TBX21: variants seen among roughly 807,000 people sequenced by gnomAD.
TBX21 encodes T-box transcription factor TBX21.
TBX21 carries 11 observed loss-of-function variants against 52.2 expected under a neutral mutation model. The observed-to-expected ratio is 0.21, with a 90% CI of 0.13 to 0.35. The LOEUF (loss-of-function observed/expected upper bound fraction) is 0.35, where lower values mean the gene tolerates loss of function less well. Ranked by LOEUF, TBX21 falls within the 10% of genes least tolerant of loss-of-function variation. TBX21 has a pLI of 1.00. For missense variants in TBX21, 625 were observed against 755.1 expected (o/e 0.83, Z 2.02); for synonymous variants, 300 against 316.1 (o/e 0.95, Z 0.54).
intron 1 of TBX21, among the ~76,000 whole-genome samples, chr17:47,739,001 G>T (rs969158152): frequency 1.7e-4 from 26 of 152,180 alleles, no homozygotes; most frequent in African/African-American, 5.3e-4. Flanking sequence ...CAGAGCCTGT[G>T]CCAGGAGCTC....
At chr17:47,736,961 C>A (rs1023944989) in intron 1 of TBX21, among the ~76,000 whole-genome samples, 1 of 152,150 alleles carries the variant, frequency 6.6e-6, no homozygotes, top group Non-Finnish European at 1.5e-5. Flanking sequence ...TCCCACCCAC[C>A]CTGGATCTAT....
rs1178495694 is a variant in TBX21 at position 47,733,430 on chromosome 17, A to C, written c.-25A>C. On this transcript the variant is annotated 5_prime_UTR_variant, in exon 1 of 6. Transcript: ENST00000177694. The surrounding 1 kb of genome is among the most constrained non-coding windows in gnomAD (Gnocchi z 6.6). ...GCGGAGGGGCGGGTCCTCGACGGCT[A>C]CGGGAAGGTGCCAGCCCGCCCCGGA... is the stretch of plus-strand genomic sequence containing the variant. 6.1e-6 allele frequency: 9 copies of C among 1,468,510 alleles called. No individual in the cohort carries two copies. Among genetic ancestry groups the C allele is most frequent in the African/African-American group, 1.5e-5 (1 of 67,654 alleles). 91.0% of individuals were successfully genotyped at this position (1,468,510 alleles called of 1,614,324 possible). A position where few individuals can be genotyped will look rare whatever the true frequency, so the allele number is the denominator to read the frequency against.
chr17:47,741,772 G>A (rs2032268823), intron 1 of TBX21, among the ~76,000 whole-genome samples: 1 of 151,132 alleles, frequency 6.6e-6, no homozygotes, highest in African/African-American at 2.4e-5. Context: ...CTCCTAGGAA[G>A]CAGCTAAGGT....
intron 1 of TBX21, among the ~76,000 whole-genome samples, chr17:47,738,442 A>G (rs1444893799): frequency 6.6e-6 from 1 of 152,134 alleles, no homozygotes; most frequent in Non-Finnish European, 1.5e-5. Context: ...TGAGGTTGGT[A>G]AGACGAGGAG....
chr17:47,733,733 C>T lies in TBX21; in HGVS notation c.279C>T (p.Phe93=), dbSNP rs554452504. Reference sequence around the variant, plus strand: ...GCTTCCCCGGCGCGGGCGAGTCCTTCCCGCCGCCCGCGGACGCCGAGGGCT... The same window carrying T: ...GCTTCCCCGGCGCGGGCGAGTCCTTTCCGCCGCCCGCGGACGCCGAGGGCT... ...AAGFPGAGES[F]PPPADAEGYQ... Residue 93 remains phenylalanine, a synonymous_variant, in exon 1 of 6, where the codon TTC becomes TTT. Transcript: ENST00000177694. This position sits in a 1 kb window ranked among gnomAD's most constrained non-coding sequence, Gnocchi z 6.6. The T allele has an allele frequency of 6.3e-6, 9 of 1,439,784 alleles. No homozygotes were observed. The highest frequency in any genetic ancestry group is 6.0e-5 in the African/African-American group (4 of 66,480). 89.2% of individuals were successfully genotyped at this position (1,439,784 alleles called of 1,614,324 possible).
rs1597983051 is a variant in TBX21, at chr17:47,737,626, A to G, written c.491+3681A>G. ...AGATAACTTTAGTCGATAACTTTCT[A>G]CATCTTTTTTTTTTTTTGAGATGGA... On this transcript the variant is annotated intron_variant, in intron 1 of 5. Coordinates refer to ENST00000177694, the MANE Select transcript of TBX21 (RefSeq NM_013351.2). Among the ~76,000 whole-genome samples the G allele has an allele frequency of 2.7e-5, 4 of 150,076 alleles. No individual in the cohort carries two copies. In the South Asian group the frequency reaches 8.4e-4, roughly 32 times the overall value.
At chr17:47,736,519 G>A (rs2032208293) in intron 1 of TBX21, among the ~76,000 whole-genome samples, 1 of 152,078 alleles carries the variant, frequency 6.6e-6, no homozygotes, top group Non-Finnish European at 1.5e-5. Flanking sequence ...TCCATTCTGA[G>A]GGGCTCCATA....
chr17:47,739,195 A>T (rs2032240927), intron 1 of TBX21, among the ~76,000 whole-genome samples: 1 of 152,164 alleles, frequency 6.6e-6, no homozygotes, highest in South Asian at 2.1e-4. Context: ...GCAAAGTGTC[A>T]TGTAAATCAG....
intron 5 of TBX21, 39 bp downstream of exon 5, chr17:47,744,582 T>G: frequency 6.2e-7 from 1 of 1,613,004 alleles, no homozygotes; most frequent in Non-Finnish European, 8.5e-7. Flanking sequence ...TGGTCCCTCC[T>G]GAGACACATC....
intron 1 of TBX21, among the ~76,000 whole-genome samples, chr17:47,734,309 C>T (rs868471746): frequency 3.9e-5 from 6 of 152,094 alleles, no homozygotes; most frequent in Non-Finnish European, 7.4e-5. Flanking sequence ...GTGCTCTGGG[C>T]GGACAGGACG....
intron 1 of TBX21, among the ~76,000 whole-genome samples, chr17:47,739,299 T>C (rs1170569916): frequency 6.6e-6 from 1 of 152,192 alleles, no homozygotes; most frequent in Non-Finnish European, 1.5e-5. Flanking sequence ...AGCCTCTTCC[T>C]GTGTCTCCAT....
At chr17:47,738,896 G>A (rs192624170) in intron 1 of TBX21, among the ~76,000 whole-genome samples, 13 of 152,066 alleles carry the variant, frequency 8.5e-5, no homozygotes, top group East Asian at 5.8e-4. Context: ...CCACCACGCC[G>A]GGCCAATATT....
At chr17:47,739,495 A>G (rs1196260533) in intron 1 of TBX21, among the ~76,000 whole-genome samples, 1 of 151,754 alleles carries the variant, frequency 6.6e-6, no homozygotes, top group African/African-American at 2.4e-5. Context: ...GCGGTGGCTC[A>G]CCCCTGTAAT....
In TBX21 at chr17:47,745,672, T is replaced by C. The variant is rs1043207127; in HGVS notation, c.*306T>C. ...AAAGAAGACAAGAAAGTCTTGGGCA[T>C]GAAGGAGCTTTTTGCATCTAGTGGG... On this transcript the variant is annotated 3_prime_UTR_variant, in exon 6 of 6. Transcript: ENST00000177694. The C allele has an allele frequency of 3.0e-5, 9 of 300,646 alleles. No homozygotes were observed. Among genetic ancestry groups the C allele is most frequent in the East Asian group, 6.4e-5 (1 of 15,626 alleles). The allele number at this position is 300,646 out of a possible 1,614,324, so 18.6% of individuals were successfully genotyped here.
chr17:47,744,684 A>C, intron 5 of TBX21, 64 bp from the exon 6 acceptor site: 6 of 1,596,632 alleles, frequency 3.8e-6, no homozygotes, highest in Non-Finnish European at 5.1e-6. Flanking sequence ...TGTGTGAAAC[A>C]GGTAGGCTCA....
Position 47,733,549 on chromosome 17 carries a change from A to G in TBX21, c.95A>G (p.Gln32Arg). The change falls in exon 1 of 6, where the codon CAG (glutamine) becomes CGG (arginine). Residue 32 changes from glutamine to arginine, a missense_variant. By Grantham distance (43) the Gln-to-Arg change is conservative. Around this residue, in one of 4 missense-constraint regions of TBX21, gnomAD observed 221 missense variants for 204.9 expected, o/e 1.08. Coordinates refer to ENST00000177694, the MANE Select transcript of TBX21 (RefSeq NM_013351.2). This position sits in a 1 kb window ranked among gnomAD's most constrained non-coding sequence, Gnocchi z 6.6. The part of the protein sequence containing the change: ...DEGRAPGADP[Q>R]HRYFYPEPGA... The stretch of plus-strand genomic sequence containing the variant: ...GGCCGGGCGCCTGGCGCCGACCCGC[A>G]GCACCGCTACTTCTACCCGGAGCCG... The G allele has an allele frequency of 1.3e-6, 2 of 1,489,720 alleles. No individual in the cohort carries two copies. Among genetic ancestry groups the G allele is most frequent in the Non-Finnish European group, 8.9e-7 (1 of 1,126,660 alleles). The allele number at this position is 1,489,720 out of a possible 1,614,324, so 92.3% of individuals were successfully genotyped here. A position where few individuals can be genotyped will look rare whatever the true frequency, so the allele number is the denominator to read the frequency against.
At chr17:47,743,682 C>T (rs1408229819) in intron 3 of TBX21, among the ~76,000 whole-genome samples, 1 of 152,004 alleles carries the variant, frequency 6.6e-6, no homozygotes, top group Non-Finnish European at 1.5e-5. Flanking sequence ...GAGTTCAAGA[C>T]CAGCCTGGCC....
chr17:47,742,561 T>C lies in TBX21; in HGVS notation c.492-49T>C. The C allele has an allele frequency of 1.3e-6, 2 of 1,535,142 alleles. No homozygotes were observed. The highest frequency in any genetic ancestry group is 1.8e-4 in the Middle Eastern group (1 of 5,706). On this transcript the variant is annotated intron_variant, in intron 1 of 5. Transcript: ENST00000177694. This position sits in a 1 kb window ranked among gnomAD's most constrained non-coding sequence, Gnocchi z 4.4. ...GGGCACTGTTGCAGGGGGGACTGGC[T>C]GTCAAGCTGGAGCTGATGGGTGCTG...
At chr17:47,739,596 T>C (rs942713314) in intron 1 of TBX21, among the ~76,000 whole-genome samples, 1 of 151,956 alleles carries the variant, frequency 6.6e-6, no homozygotes, top group South Asian at 2.1e-4. Flanking sequence ...CCGTCTCTAC[T>C]AAAAGTACAA....
Sources: allele counts gnomAD v4.1 joint callset (sites outside exome capture counted in the v4.1 genomes callset), GRCh38; gene constraint gnomAD v4.1.1; regional missense constraint gnomAD v4.1.1; non-coding constraint Gnocchi (gnomAD v3.1); transcripts MANE v1.5; gene names NCBI Gene and HGNC (gene_info 2026-07-23, HGNC 2026-07-21).